The following FARP2 variants were observed in gnomAD, a reference collection of about 807,000 sequenced individuals.
FARP2 encodes FERM, ARH/RhoGEF and pleckstrin domain protein 2.
Under a neutral mutation model 130.5 loss-of-function variants are expected in FARP2, and 111 were observed. That is an observed-to-expected ratio of 0.85 (90% CI 0.73 to 1.00). The LOEUF (loss-of-function observed/expected upper bound fraction) is 1.00, where lower values mean the gene tolerates loss of function less well. FARP2 is among the 50% of genes least tolerant of loss of function. The pLI, the probability that FARP2 is intolerant of heterozygous loss-of-function variation, is 0.00. For synonymous variants in FARP2, 504 were observed against 516.9 expected (o/e 0.98, Z 0.34); for missense variants, 1,385 against 1,346.3 (o/e 1.03, Z -0.45).
chr2:241,398,036 T>A (rs187953142), intron 2 of FARP2, among the ~76,000 whole-genome samples: 180 of 152,034 alleles, frequency 1.2e-3, no homozygotes, highest in Non-Finnish European at 1.9e-3. Context: ...TTTCACCATG[T>A]TAGCCAGGAT....
intron 13 of FARP2, 158 bp from the exon 14 acceptor site, chr2:241,456,589 A>G (rs1377702736): frequency 3.0e-6 from 2 of 675,400 alleles, no homozygotes; most frequent in Middle Eastern, 2.5e-4. Flanking sequence ...CATGTTTAGA[A>G]TTGTGTGTGA....
Position 241,403,254 on chromosome 2 carries a change from A to G in FARP2, c.184-574A>G, listed in dbSNP as rs574421692. Among the ~76,000 whole-genome samples the G allele has an allele frequency of 4.6e-3, 693 of 152,068 alleles. 9 individuals carry two copies. Among genetic ancestry groups the G allele is most frequent in the African/African-American group, 0.016 (661 of 41,474 alleles). ...TTTTGAGACAAAGTCTCACTCTGTC[A>G]CCCAGGCTGGAGTGCAGTGGCACGA... On this transcript the variant is annotated intron_variant, in intron 2 of 26. Transcript: ENST00000264042.
At chr2:241,361,015 T>C in intron 1 of FARP2, among the ~76,000 whole-genome samples, 1 of 144,660 alleles carries the variant, frequency 6.9e-6, no homozygotes. Context: ...TTCGCACAAT[T>C]CCATTCAAAA....
At chr2:241,472,118 A>T in intron 18 of FARP2, among the ~76,000 whole-genome samples, 1 of 141,596 alleles carries the variant, frequency 7.1e-6, no homozygotes, top group Admixed American at 6.8e-5. Context: ...CCCTATTCTG[A>T]GGGTAGTGCT....
intron 9 of FARP2, 124 bp from the exon 10 acceptor site, chr2:241,434,034 C>CAA: frequency 2.6e-6 from 2 of 757,334 alleles, no homozygotes; most frequent in Non-Finnish European, 4.3e-6. Context: ...GATCCTGTCT[C>CAA]AAAAAAAAAC....
At chr2:241,437,270 C>G (rs1189166132) in intron 12 of FARP2, among the ~76,000 whole-genome samples, 1 of 152,194 alleles carries the variant, frequency 6.6e-6, no homozygotes, top group Non-Finnish European at 1.5e-5. Flanking sequence ...CAAAGATACA[C>G]CAACTCACAC....
chr2:241,447,581 G>GT (rs1444621095), intron 13 of FARP2, among the ~76,000 whole-genome samples: 4 of 152,176 alleles, frequency 2.6e-5, no homozygotes, highest in Non-Finnish European at 5.9e-5. Flanking sequence ...ATTATTGCCT[G>GT]TTTTTTCCAC....
At position 241,493,418 on chromosome 2, in the gene FARP2, G is replaced by T; in HGVS notation, c.3021G>T (p.Arg1007=). Residue 1007 remains arginine (R), a synonymous_variant, in exon 26 of 27, where the codon CGG becomes CGT. Transcript: ENST00000264042. ...TCAAATCCCACGTCTACTTCTTCCG[G>T]GCTGAGAGCAAGTACACATTTGAAA... ...LQFKSHVYFF[R]AESKYTFERW... is the part of the protein sequence containing the mutation. 1 of 1,613,842 alleles carries T rather than the reference G, an allele frequency of 6.2e-7. No individual in the cohort carries two copies. Among genetic ancestry groups the T allele is most frequent in the Admixed American group, 1.7e-5 (1 of 60,018 alleles).
intron 2 of FARP2, among the ~76,000 whole-genome samples, chr2:241,392,439 T>C (rs1170504020): frequency 6.6e-6 from 1 of 152,204 alleles, no homozygotes; most frequent in Non-Finnish European, 1.5e-5. Flanking sequence ...TTGGGGGATT[T>C]CATGTTGTAC....
At chr2:241,394,014 G>C (rs1025909473) in intron 2 of FARP2, among the ~76,000 whole-genome samples, 1 of 152,164 alleles carries the variant, frequency 6.6e-6, no homozygotes, top group African/African-American at 2.4e-5. Context: ...GTGTGATGGC[G>C]GGGTTTTCTT....
At chr2:241,446,869 G>C (rs1264949948) in intron 13 of FARP2, 1 of 152,292 alleles carries the variant, frequency 6.6e-6, no homozygotes, top group East Asian at 1.9e-4. Flanking sequence ...CCCTCTCCAC[G>C]TGGTGGTCCA....
intron 5 of FARP2, among the ~76,000 whole-genome samples, chr2:241,408,304 G>A (rs758512530): frequency 1.3e-5 from 2 of 151,992 alleles, no homozygotes; most frequent in Non-Finnish European, 2.9e-5. Flanking sequence ...CCCGAGAGGC[G>A]GAGTTTGCAG....
intron 20 of FARP2, chr2:241,483,876 A>G (rs2064688002): frequency 2.0e-6 from 2 of 985,444 alleles, no homozygotes; most frequent in Non-Finnish European, 2.4e-6. Flanking sequence ...CAGTCGGGAC[A>G]GTTTCACTGT....
rs998991009 is a variant in FARP2, at chr2:241,482,599, TG to T, written c.2263-862del. ...CCATATGACCACCTTCTTCATTGTGTGGGGTGGACGTTTCTGTTTGGGCTGG... is the reference window on the plus strand; with the variant it reads ...CCATATGACCACCTTCTTCATTGTGTGGGTGGACGTTTCTGTTTGGGCTGG... On this transcript the variant is annotated intron_variant, in intron 19 of 26. Coordinates refer to ENST00000264042, the MANE Select transcript of FARP2 (RefSeq NM_014808.4). The surrounding 1 kb of genome is among the most constrained non-coding windows in gnomAD (Gnocchi z 4.6). 6.6e-6 allele frequency among the ~76,000 whole-genome samples: 1 copy of T among 152,156 alleles called. No homozygotes were observed. Among genetic ancestry groups the T allele is most frequent in the African/African-American group, 2.4e-5 (1 of 41,410 alleles).
At chr2:241,458,045 A>G (rs886809) in intron 14 of FARP2, among the ~76,000 whole-genome samples, 29,848 of 152,134 alleles carry the variant, frequency 0.2, 3,322 homozygotes, top group East Asian at 0.4. Context: ...CCGAGCAGAG[A>G]AGCTCACTGC....
Position 241,459,982 on chromosome 2 carries a change from A to G in FARP2, c.1588-2541A>G, listed in dbSNP as rs1247723412. Reference sequence around the variant, plus strand: ...GTGTCTCTATGTGCCTCGCCCCTGGAGGAGTGGAGCTGCTCCGGGACTCGA... The same window carrying G: ...GTGTCTCTATGTGCCTCGCCCCTGGGGGAGTGGAGCTGCTCCGGGACTCGA... On this transcript the variant is annotated intron_variant, in intron 14 of 26. Coordinates refer to ENST00000264042, the MANE Select transcript of FARP2 (RefSeq NM_014808.4). The surrounding 1 kb of genome is among the most constrained non-coding windows in gnomAD (Gnocchi z 5.3). Among the ~76,000 whole-genome samples, 25 of 152,156 alleles carry G rather than the reference A, an allele frequency of 1.6e-4. No individual in the cohort carries two copies. The highest frequency in any genetic ancestry group is 1.4e-3 in the Admixed American group (21 of 15,280).
intron 19 of FARP2, chr2:241,479,005 T>G: frequency 2.0e-6 from 1 of 509,996 alleles, no homozygotes; most frequent in South Asian, 2.6e-5. Context: ...GGACACAGTA[T>G]TGACAGCTGA....
At chr2:241,442,008 A>G (rs1327080799) in intron 13 of FARP2, 4 of 360,076 alleles carry the variant, frequency 1.1e-5, no homozygotes, top group Non-Finnish European at 2.2e-5. Context: ...TGAACACAGA[A>G]GACGGTTTTG....
intron 13 of FARP2, among the ~76,000 whole-genome samples, chr2:241,448,042 C>T (rs2063552214): frequency 6.6e-6 from 1 of 152,146 alleles, no homozygotes; most frequent in Non-Finnish European, 1.5e-5. Flanking sequence ...ATTGTACCTG[C>T]CACACCAGAG....
Sources: allele counts gnomAD v4.1 joint callset (sites outside exome capture counted in the v4.1 genomes callset), GRCh38; gene constraint gnomAD v4.1.1; non-coding constraint Gnocchi (gnomAD v3.1); transcripts MANE v1.5; gene names NCBI Gene and HGNC (gene_info 2026-07-23, HGNC 2026-07-21).